Variants in RGPD2 observed in about 807,000 individuals in gnomAD.
The protein encoded by RGPD2 is RANBP2 like and GRIP domain containing 2.
In RGPD2, 2 loss-of-function variants were observed where a neutral mutation model predicts 36.0. The ratio of observed to expected loss-of-function variants is 0.06; its 90% CI spans 0.02 to 0.17. The LOEUF is 0.17. Among genes scored for constraint, RGPD2 ranks in the 10% least tolerant of loss-of-function variants. RGPD2 has a pLI of 1.00. For synonymous variants in RGPD2, 19 were observed against 163.8 expected (o/e 0.12, Z 6.75); for missense variants, 40 against 464.3 (o/e 0.09, Z 8.40).
At chr2:87,879,401 ATTTTTTTTTCTT>A in the RGPD2 span, among the ~76,000 whole-genome samples, 2 of 145,580 alleles carry the variant, frequency 1.4e-5, no homozygotes, top group East Asian at 4.1e-4. Context: ...CATTCTTTCT[ATTTTTTTTTCTT>A]TTTTTTTTTT....
the RGPD2 span, among the ~76,000 whole-genome samples, chr2:87,864,576 TGATA>T: frequency 0.2 from 30,075 of 146,958 alleles, 463 homozygotes; most frequent in African/African-American, 0.21. Context: ...CATAGATAGA[TGATA>T]GATAGATAGA....
chr2:87,834,141 G>GA, the RGPD2 span, among the ~76,000 whole-genome samples: 1 of 136,018 alleles, frequency 7.4e-6, no homozygotes, highest in Non-Finnish European at 1.6e-5. Context: ...TTTAATATTT[G>GA]AAAATCAATC....
the RGPD2 span, among the ~76,000 whole-genome samples, chr2:87,943,704 C>G: frequency 1.7e-4 from 26 of 151,688 alleles, no homozygotes; most frequent in Admixed American, 9.9e-4. Context: ...TTTCCTATAG[C>G]ATCTTTGCCT....
the RGPD2 span, among the ~76,000 whole-genome samples, chr2:87,984,979 A>G: frequency 6.7e-6 from 1 of 148,888 alleles, no homozygotes; most frequent in Non-Finnish European, 1.5e-5. Context: ...TAAAACATAT[A>G]GAATGGTACA....
At chr2:87,973,693 TAAA>T in the RGPD2 span, among the ~76,000 whole-genome samples, 16 of 105,434 alleles carry the variant, frequency 1.5e-4, no homozygotes, top group African/African-American at 3.3e-4. Flanking sequence ...GTGAACCAGC[TAAA>T]AAAAAAAAAA....
chr2:87,860,479 A>G, the RGPD2 span, among the ~76,000 whole-genome samples: 1 of 150,744 alleles, frequency 6.6e-6, no homozygotes, highest in East Asian at 2.0e-4. Context: ...GAATGCAAAC[A>G]TTCAGACCAT....
chr2:87,870,504 AC>A, the RGPD2 span, among the ~76,000 whole-genome samples: 3 of 151,700 alleles, frequency 2.0e-5, no homozygotes, highest in Non-Finnish European at 4.4e-5. Context: ...TCCCATAGAA[AC>A]CCCCATAAAG....
chr2:87,763,528 A>G (rs1423634316), intron 22 of RGPD2, among the ~76,000 whole-genome samples: 1 of 52,860 alleles, frequency 1.9e-5, no homozygotes, highest in Non-Finnish European at 3.6e-5. Context: ...ATTTAAACTA[A>G]TATGTTCACA....
the RGPD2 span, among the ~76,000 whole-genome samples, chr2:87,849,042 TA>T: frequency 2.6e-5 from 4 of 152,134 alleles, no homozygotes; most frequent in African/African-American, 4.8e-5. Context: ...AAAAAAACAT[TA>T]AACATTGCTC....
chr2:87,971,432 C>CAT, the RGPD2 span, among the ~76,000 whole-genome samples: 20 of 13,910 alleles, frequency 1.4e-3, no homozygotes, highest in Admixed American at 9.9e-3. Context: ...ATGTTATAGA[C>CAT]ATATATATAT....
At chr2:87,913,518 A>AT in the RGPD2 span, among the ~76,000 whole-genome samples, 2 of 150,958 alleles carry the variant, frequency 1.3e-5, no homozygotes, top group Non-Finnish European at 2.9e-5. Flanking sequence ...TGTTGTGCAC[A>AT]TGTACCCTAA....
At chr2:87,934,341 T>C in the RGPD2 span, among the ~76,000 whole-genome samples, 4 of 146,136 alleles carry the variant, frequency 2.7e-5, no homozygotes, top group Non-Finnish European at 5.9e-5. Flanking sequence ...GAAAATGTCT[T>C]TTCAGATGTA....
At chr2:87,887,122 T>G in the RGPD2 span, among the ~76,000 whole-genome samples, 5 of 151,868 alleles carry the variant, frequency 3.3e-5, no homozygotes, top group Admixed American at 1.3e-4. Context: ...TTTGAATATT[T>G]AAAAAAATGT....
the RGPD2 span, among the ~76,000 whole-genome samples, chr2:87,912,099 T>A: frequency 2.0e-5 from 3 of 151,806 alleles, no homozygotes; most frequent in Non-Finnish European, 4.4e-5. Context: ...ACCCATTATC[T>A]TTTTAAAGAA....
At chr2:87,896,814 A>C in the RGPD2 span, among the ~76,000 whole-genome samples, 2 of 129,694 alleles carry the variant, frequency 1.5e-5, no homozygotes, top group African/African-American at 5.9e-5. Context: ...CACTATTGTC[A>C]TAAGATAGAA....
At chr2:87,989,492 A>C in the RGPD2 span, among the ~76,000 whole-genome samples, 1 of 152,246 alleles carries the variant, frequency 6.6e-6, no homozygotes, top group Admixed American at 6.5e-5. Flanking sequence ...TTTTGTTTTC[A>C]TGAAGTTTTT....
the RGPD2 span, among the ~76,000 whole-genome samples, chr2:87,988,761 G>A: frequency 4.0e-5 from 6 of 151,518 alleles, no homozygotes; most frequent in East Asian, 1.9e-4. Flanking sequence ...GGCTGGTCTC[G>A]AACTACCGAC....
the RGPD2 span, among the ~76,000 whole-genome samples, chr2:87,955,889 CT>C: frequency 0.018 from 9 of 502 alleles, no homozygotes; most frequent in African/African-American, 0.063. Context: ...TTTCTTCCTC[CT>C]TTTTTTTTTT....
chr2:87,872,950 A>C, the RGPD2 span, among the ~76,000 whole-genome samples: 1 of 152,248 alleles, frequency 6.6e-6, no homozygotes, highest in Non-Finnish European at 1.5e-5. Context: ...AGTAGAGACG[A>C]GGTTTCACCA....
Sources: gnomAD v4.1 joint callset for allele counts (sites outside exome capture counted in the v4.1 genomes callset) on GRCh38, gnomAD v4.1.1 for gene constraint, MANE v1.5 for transcripts, NCBI Gene and HGNC (gene_info 2026-07-23, HGNC 2026-07-21) for gene names.